The following CNTN4 variants were observed in gnomAD, a reference collection of about 807,000 sequenced individuals.
The protein encoded by CNTN4 is contactin-4.
A neutral mutation model predicts 122.5 loss-of-function variants in CNTN4; 77 were observed. That is an observed-to-expected ratio of 0.63 (90% CI 0.52 to 0.76). CNTN4 has a LOEUF of 0.76. Ranked by LOEUF, CNTN4 falls within the 30% of genes least tolerant of loss-of-function variation. CNTN4 has a pLI of 0.00. For synonymous variants in CNTN4, 512 were observed against 447.0 expected (o/e 1.15, Z -1.83); for missense variants, 1,256 against 1,259.1 (o/e 1.00, Z 0.04).
At chr3:2,496,553 C>T (rs1306445102) in intron 3 of CNTN4, among the ~76,000 whole-genome samples, 2 of 152,116 alleles carry the variant, frequency 1.3e-5, no homozygotes, top group South Asian at 2.1e-4. Context: ...GTTACTTTCA[C>T]GCTTGGACAA....
chr3:2,232,072 C>T (rs1037892570), intron 2 of CNTN4, among the ~76,000 whole-genome samples: 2 of 151,982 alleles, frequency 1.3e-5, no homozygotes. Context: ...CTTAAACCTT[C>T]GTGAATATGA....
intron 7 of CNTN4, among the ~76,000 whole-genome samples, chr3:2,847,911 G>C (rs2093481397): frequency 6.6e-6 from 1 of 152,124 alleles, no homozygotes; most frequent in Non-Finnish European, 1.5e-5. Flanking sequence ...GAGTTGAAGT[G>C]ATTTGCCCAA....
chr3:2,154,567 ATGATC>A (rs1306484933), intron 2 of CNTN4, among the ~76,000 whole-genome samples: 1 of 152,202 alleles, frequency 6.6e-6, no homozygotes, highest in African/African-American at 2.4e-5. Flanking sequence ...AATAAGTTCT[ATGATC>A]TGTAGTTGGG....
At chr3:2,220,229 A>G (rs2039008069) in intron 2 of CNTN4, among the ~76,000 whole-genome samples, 1 of 152,104 alleles carries the variant, frequency 6.6e-6, no homozygotes, top group South Asian at 2.1e-4. Flanking sequence ...CTCATTTGGA[A>G]TTACACTCTC....
intron 2 of CNTN4, among the ~76,000 whole-genome samples, chr3:2,286,797 A>G (rs896891896): frequency 1.3e-5 from 2 of 152,164 alleles, no homozygotes; most frequent in African/African-American, 4.8e-5. Context: ...AAATGTTGGG[A>G]CATGGTTAAT....
Position 3,034,695 on chromosome 3 carries a change from C to T in CNTN4, c.1847C>T (p.Ser616Phe). 6.2e-7 allele frequency: 1 copy of T among 1,614,114 alleles called. No homozygotes were observed. Among genetic ancestry groups the T allele is most frequent in the Non-Finnish European group, 8.5e-7 (1 of 1,180,012 alleles). Residue 616 changes from serine to phenylalanine, a missense_variant, in exon 17 of 25, where the codon TCC becomes TTC. Ser to Phe is a radical substitution (Grantham distance 155). Coordinates refer to ENST00000418658, the MANE Select transcript of CNTN4 (RefSeq NM_175607.3). ...ATCACAGATACCACTGCTCAGCTCT[C>T]CTGGAGACCCGGGCCTGACAACCAC... ...DEITDTTAQLSWRPGPDNHSP... is the reference protein window; with the variant it reads ...DEITDTTAQLFWRPGPDNHSP...
At chr3:2,688,775 C>G (rs1182057247) in intron 4 of CNTN4, among the ~76,000 whole-genome samples, 4 of 152,174 alleles carry the variant, frequency 2.6e-5, no homozygotes, top group Middle Eastern at 3.2e-3. Context: ...CTACGTGGGT[C>G]TTTGTAACCA....
intron 2 of CNTN4, among the ~76,000 whole-genome samples, chr3:2,329,840 A>G (rs2043643869): frequency 6.6e-6 from 1 of 152,194 alleles, no homozygotes; most frequent in Non-Finnish European, 1.5e-5. Flanking sequence ...TGAGGCTGTA[A>G]AGGAACAAAC....
At chr3:2,210,797 T>C (rs2038581988) in intron 2 of CNTN4, among the ~76,000 whole-genome samples, 1 of 152,186 alleles carries the variant, frequency 6.6e-6, no homozygotes, top group African/African-American at 2.4e-5. Context: ...TTTCCTTCAA[T>C]ACATCAAAAG....
intron 2 of CNTN4, among the ~76,000 whole-genome samples, chr3:2,321,945 A>G (rs2043289521): frequency 6.6e-6 from 1 of 152,184 alleles, no homozygotes; most frequent in South Asian, 2.1e-4. Flanking sequence ...TCCTTAATAT[A>G]AACCAGGCAC....
At chr3:2,487,644 G>T (rs1017106641) in intron 3 of CNTN4, among the ~76,000 whole-genome samples, 1 of 151,962 alleles carries the variant, frequency 6.6e-6, no homozygotes, top group African/African-American at 2.4e-5. Context: ...GTTTTGTTTT[G>T]TTTTGTATGA....
intron 18 of CNTN4, chr3:3,037,735 T>A (rs887222940): frequency 4.8e-5 from 13 of 271,388 alleles, no homozygotes; most frequent in African/African-American, 2.9e-4. Flanking sequence ...GGGGTAATCC[T>A]GTTTAGAATA....
chr3:2,700,981 G>A (rs945087542), intron 4 of CNTN4, among the ~76,000 whole-genome samples: 1 of 152,160 alleles, frequency 6.6e-6, no homozygotes, highest in South Asian at 2.1e-4. Context: ...AAGTGGTTGA[G>A]ATGTGGGATC....
At chr3:2,557,955 C>A (rs1335111834) in intron 3 of CNTN4, among the ~76,000 whole-genome samples, 1 of 151,980 alleles carries the variant, frequency 6.6e-6, no homozygotes, top group Non-Finnish European at 1.5e-5. Flanking sequence ...GATCCTTGAA[C>A]TTTTTCTGGA....
At chr3:2,381,271 G>A (rs928740899) in intron 3 of CNTN4, among the ~76,000 whole-genome samples, 7 of 152,186 alleles carry the variant, frequency 4.6e-5, no homozygotes, top group African/African-American at 7.2e-5. Flanking sequence ...CTCCCAAAGT[G>A]CTGGGATTAC....
Position 3,026,161 on chromosome 3 carries a change from G to A in CNTN4, c.1546G>A (p.Val516Ile). The A allele has an allele frequency of 1.9e-6, 3 of 1,613,422 alleles. No individual in the cohort carries two copies. The African/African-American group carries it at 4.0e-5, about 22-fold the overall frequency. The change falls in exon 15 of 25, where the codon GTT becomes ATT. Residue 516 changes from valine (V) to isoleucine (I), a missense_variant. By Grantham distance (29) the Val-to-Ile change is conservative (BLOSUM62 3). Transcript: ENST00000418658. ...GGATGTCACTGTTGGAGAGAGTATT[G>A]TTTTACCGTGCCAGGTAACGCATGA... ...SMDVTVGESI[V>I]LPCQVTHDHS... is the part of the protein sequence containing the mutation.
intron 13 of CNTN4, among the ~76,000 whole-genome samples, chr3:2,961,231 C>CAAAAAAAAAAAAAAAAAAAAAAAAAAA: frequency 2.7e-5 from 1 of 37,254 alleles, no homozygotes; most frequent in Non-Finnish European, 5.0e-5. Context: ...CTCCATCTCA[C>CAAAAAAAAAAAAAAAAAAAAAAAAAAA]AAAAAAAAAA....
At chr3:2,596,479 A>G (rs1364781276) in intron 4 of CNTN4, among the ~76,000 whole-genome samples, 2 of 152,182 alleles carry the variant, frequency 1.3e-5, no homozygotes, top group Non-Finnish European at 2.9e-5. Flanking sequence ...TGTGTTGAAT[A>G]TTTATTCTGG....
At chr3:2,308,805 ATTAT>A (rs2042812022) in intron 2 of CNTN4, among the ~76,000 whole-genome samples, 1 of 151,956 alleles carries the variant, frequency 6.6e-6, no homozygotes, top group African/African-American at 2.4e-5. Flanking sequence ...CATTTTTTAT[ATTAT>A]TTATAAAACC....
Sources: allele counts gnomAD v4.1 joint callset (sites outside exome capture counted in the v4.1 genomes callset), GRCh38; gene constraint gnomAD v4.1.1; transcripts MANE v1.5; gene names NCBI Gene and HGNC (gene_info 2026-07-23, HGNC 2026-07-21).